Variants in NLGN1 observed in about 807,000 individuals in gnomAD.
NLGN1 encodes neuroligin 1.
A neutral mutation model predicts 65.5 loss-of-function variants in NLGN1; 12 were observed. That is an observed-to-expected ratio of 0.18 (90% confidence interval 0.12 to 0.30). NLGN1 has a LOEUF of 0.30. Ranked by LOEUF, NLGN1 falls within the 10% of genes least tolerant of loss-of-function variation. The pLI, the probability that NLGN1 is intolerant of heterozygous loss-of-function variation, is 1.00. For synonymous variants in NLGN1, 350 were observed against 359.5 expected, an observed-to-expected ratio of 0.97 and a Z score of 0.30; for missense variants, 750 against 1,007.1, an observed-to-expected ratio of 0.74 and a Z score of 3.46.
intron 4 of NLGN1, among the ~76,000 whole-genome samples, chr3:173,866,247 TTAGA>T (rs1296368309): frequency 6.6e-6 from 1 of 152,092 alleles, no homozygotes; most frequent in Admixed American, 6.6e-5. Context: ...ATGACAGTAA[TTAGA>T]TAGGTAGTGA....
At chr3:174,160,663 A>G (rs904856861) in intron 4 of NLGN1, among the ~76,000 whole-genome samples, 1 of 150,288 alleles carries the variant, frequency 6.7e-6, no homozygotes, top group Non-Finnish European at 1.5e-5. Flanking sequence ...CTTCCTATAT[A>G]ATATATAGGA....
chr3:174,034,966 T>A (rs557987778), intron 4 of NLGN1, among the ~76,000 whole-genome samples: 2 of 152,162 alleles, frequency 1.3e-5, no homozygotes, highest in African/African-American at 4.8e-5. Flanking sequence ...GAGAAAGATA[T>A]GCCATGCTAA....
At chr3:173,734,379 C>CTTTTTTTT (rs1773378211) in intron 3 of NLGN1, among the ~76,000 whole-genome samples, 2 of 59,046 alleles carry the variant, frequency 3.4e-5, no homozygotes, top group Admixed American at 2.2e-4. Context: ...GTGGATAATT[C>CTTTTTTTT]TATTTTTTTT....
intron 4 of NLGN1, among the ~76,000 whole-genome samples, chr3:173,822,060 C>T (rs1347081614): frequency 1.3e-5 from 2 of 152,102 alleles, no homozygotes; most frequent in South Asian, 2.1e-4. Context: ...CATGACAAGT[C>T]TTCAGAGAAA....
intron 4 of NLGN1, among the ~76,000 whole-genome samples, chr3:173,873,276 G>A (rs1051854469): frequency 6.6e-6 from 1 of 151,570 alleles, no homozygotes; most frequent in African/African-American, 2.4e-5. Flanking sequence ...TTTAGTAGAG[G>A]TCGGGTTTCA....
At chr3:173,720,815 A>G (rs1770712288) in intron 3 of NLGN1, among the ~76,000 whole-genome samples, 1 of 152,222 alleles carries the variant, frequency 6.6e-6, no homozygotes, top group Non-Finnish European at 1.5e-5. Flanking sequence ...GTAATGAAAC[A>G]AGAACGTGAT....
intron 2 of NLGN1, among the ~76,000 whole-genome samples, chr3:173,579,014 T>C (rs2149357174): frequency 6.6e-6 from 1 of 152,346 alleles, no homozygotes; most frequent in South Asian, 2.1e-4. Context: ...ATTAGCCTAA[T>C]GGCACCATTA....
intron 3 of NLGN1, among the ~76,000 whole-genome samples, chr3:173,713,777 G>T (rs368344417): frequency 3.9e-5 from 6 of 152,036 alleles, no homozygotes; most frequent in Admixed American, 3.9e-4. Context: ...CTCAACAAAG[G>T]TTAATTATAA....
chr3:173,698,216 C>T (rs1351803718), intron 3 of NLGN1, among the ~76,000 whole-genome samples: 1 of 152,074 alleles, frequency 6.6e-6, no homozygotes, highest in Non-Finnish European at 1.5e-5. Context: ...ATTAGACACT[C>T]AATAAATGAA....
At chr3:174,012,556 T>G (rs1278920061) in intron 4 of NLGN1, among the ~76,000 whole-genome samples, 1 of 152,212 alleles carries the variant, frequency 6.6e-6, no homozygotes, top group Admixed American at 6.5e-5. Context: ...GTCCACATCC[T>G]CTTTACTGTT....
At chr3:173,850,559 G>C (rs1726717695) in intron 4 of NLGN1, among the ~76,000 whole-genome samples, 1 of 152,080 alleles carries the variant, frequency 6.6e-6, no homozygotes, top group Admixed American at 6.6e-5. Context: ...TTAGTGTAAA[G>C]AATGAGAGAC....
chr3:174,088,311 G>A (rs1330372294), intron 4 of NLGN1, among the ~76,000 whole-genome samples: 4 of 152,268 alleles, frequency 2.6e-5, no homozygotes, highest in African/African-American at 9.6e-5. Context: ...AGGAAATAGA[G>A]ATTACGTAGG....
intron 4 of NLGN1, among the ~76,000 whole-genome samples, chr3:174,225,685 T>A (rs530663430): frequency 1.3e-5 from 2 of 151,202 alleles, no homozygotes; most frequent in African/African-American, 2.4e-5. Flanking sequence ...GAGCGGAGAT[T>A]GCGCCACTGC....
At chr3:174,006,665 C>T (rs1422134764) in intron 4 of NLGN1, among the ~76,000 whole-genome samples, 1 of 151,602 alleles carries the variant, frequency 6.6e-6, no homozygotes, top group African/African-American at 2.4e-5. Context: ...GAAGCCCTAA[C>T]CCCCAGTACT....
chr3:173,868,938 A>G (rs1490262615), intron 4 of NLGN1, among the ~76,000 whole-genome samples: 1 of 152,120 alleles, frequency 6.6e-6, no homozygotes, highest in East Asian at 1.9e-4. Context: ...AAATAAAAGG[A>G]AAACCTTGAA....
At chr3:173,976,263 A>G (rs963736799) in intron 4 of NLGN1, among the ~76,000 whole-genome samples, 1 of 152,082 alleles carries the variant, frequency 6.6e-6, no homozygotes, top group African/African-American at 2.4e-5. Context: ...AGTATTGGCT[A>G]TAGGATAAAC....
intron 4 of NLGN1, among the ~76,000 whole-genome samples, chr3:173,882,013 A>G (rs1733436123): frequency 6.6e-6 from 1 of 152,212 alleles, no homozygotes; most frequent in Non-Finnish European, 1.5e-5. Flanking sequence ...CTCCTGATCC[A>G]TGGGCTGCAG....
At chr3:173,693,249 A>G (rs116442326) in intron 3 of NLGN1, among the ~76,000 whole-genome samples, 1 of 152,214 alleles carries the variant, frequency 6.6e-6, no homozygotes, top group African/African-American at 2.4e-5. Flanking sequence ...TCCTTCATGT[A>G]TTTCGGAACA....
chr3:173,763,033 A>G (rs1368475298), intron 3 of NLGN1, among the ~76,000 whole-genome samples: 1 of 151,212 alleles, frequency 6.6e-6, no homozygotes, highest in Non-Finnish European at 1.5e-5. Flanking sequence ...ATATGATTTC[A>G]TGTTCCTACA....
Sources: allele counts gnomAD v4.1 joint callset (sites outside exome capture counted in the v4.1 genomes callset), GRCh38; gene constraint gnomAD v4.1.1; transcripts MANE v1.5; gene names NCBI Gene and HGNC (gene_info 2026-07-23, HGNC 2026-07-21).